Variants in TECTB observed in about 807,000 individuals in gnomAD.
TECTB encodes beta-tectorin.
A neutral mutation model predicts 43.3 loss-of-function variants in TECTB; 45 were observed. That is an observed-to-expected ratio of 1.04 (90% CI 0.82 to 1.33). The LOEUF (loss-of-function observed/expected upper bound fraction) is 1.33. Ranked by LOEUF, TECTB falls within the 40% of genes most tolerant of loss-of-function variation. The pLI is 0.00. For missense variants in TECTB, 399 were observed against 404.7 expected (o/e 0.99, Z 0.12); for synonymous variants, 169 against 156.7 (o/e 1.08, Z -0.59).
In TECTB at chr10:112,303,506, G is replaced by A; in HGVS notation, c.*194G>A. The A allele has an allele frequency of 3.0e-6, 2 of 661,226 alleles. No individual in the cohort carries two copies. Among genetic ancestry groups the A allele is most frequent in the Non-Finnish European group, 5.2e-6 (2 of 387,344 alleles). The allele number at this position is 661,226 out of a possible 1,614,324, so 41.0% of individuals were successfully genotyped here. A position where few individuals can be genotyped will look rare whatever the true frequency, so the allele number is the denominator to read the frequency against. On this transcript the variant is annotated 3_prime_UTR_variant, in exon 11 of 11. Transcript: ENST00000646139. ...CTTTTTCTTTCTAAGAAAAACTTAG[G>A]CTACTTCCCGTGGCCCTTAGATCTC...
rs754406724 is a variant in TECTB at position 112,294,078 on chromosome 10, G to C, written c.671+17G>C. 3.1e-6 allele frequency: 5 copies of C among 1,610,810 alleles called. No individual in the cohort carries two copies. The highest frequency in any genetic ancestry group is 4.2e-6 in the Non-Finnish European group (5 of 1,177,076). Reference sequence around the variant, plus strand: ...CAACAAGGGGTAGGTACACTATCTAGAGACAGGGCTGAACAGTGGAACCAG... The same window carrying C: ...CAACAAGGGGTAGGTACACTATCTACAGACAGGGCTGAACAGTGGAACCAG... On this transcript the variant is annotated intron_variant, in intron 7 of 10. Coordinates refer to ENST00000646139, the MANE Select transcript of TECTB (RefSeq NM_058222.3).
At chr10:112,299,965 C>T (rs1057004147) in intron 9 of TECTB, among the ~76,000 whole-genome samples, 3 of 151,584 alleles carry the variant, frequency 2.0e-5, no homozygotes, top group African/African-American at 7.3e-5. Flanking sequence ...GAGTTTGAGA[C>T]CAGCCTGACC....
rs1376658412 is a variant in TECTB, at chr10:112,303,176, G to C, written c.941-87G>C. On this transcript the variant is annotated intron_variant, in intron 10 of 10. Coordinates refer to ENST00000646139, the MANE Select transcript of TECTB (RefSeq NM_058222.3). ...TCTAAAATGTGTGGAATTTTATGAA[G>C]ACCCCTGAGTTAACTCTTCTGTTGA... 6 of 1,482,828 alleles carry C rather than the reference G, an allele frequency of 4.0e-6. No individual in the cohort carries two copies. In the East Asian group the frequency reaches 1.4e-4, roughly 34 times the overall value. The allele number at this position is 1,482,828 out of a possible 1,614,324, so 91.9% of individuals were successfully genotyped here.
At chr10:112,289,551 C>T (rs901825523) in intron 5 of TECTB, among the ~76,000 whole-genome samples, 3 of 152,206 alleles carry the variant, frequency 2.0e-5, no homozygotes, top group African/African-American at 4.8e-5. Context: ...ACACCCTGAA[C>T]TCTCGCACAT....
Position 112,289,775 on chromosome 10 carries a change from C to A in TECTB, c.483+3384C>A, listed in dbSNP as rs141337435. Reference sequence around the variant, plus strand: ...GTGTTATATTCTAGACTTTATCAGACCCGTGCAGGCCATCACGGGTCAGAG... The same window carrying A: ...GTGTTATATTCTAGACTTTATCAGAACCGTGCAGGCCATCACGGGTCAGAG... On this transcript the variant is annotated intron_variant, in intron 5 of 10. Coordinates refer to ENST00000646139, the MANE Select transcript of TECTB (RefSeq NM_058222.3). Among the ~76,000 whole-genome samples, 35 of 152,254 alleles carry A rather than the reference C, an allele frequency of 2.3e-4. No individual in the cohort carries two copies. In the East Asian group the frequency reaches 6.0e-3, roughly 26 times the overall value.
chr10:112,303,608 C>T lies in TECTB; in HGVS notation c.*296C>T. 2.4e-6 allele frequency: 1 copy of T among 408,682 alleles called. No individual in the cohort carries two copies. Among genetic ancestry groups the T allele is most frequent in the Non-Finnish European group, 4.4e-6 (1 of 225,452 alleles). 25.3% of individuals were successfully genotyped at this position (408,682 alleles called of 1,614,324 possible). A position where few individuals can be genotyped will look rare whatever the true frequency, so the allele number is the denominator to read the frequency against. ...GGGCTGCAGTAAATTCCTTTGAAAG[C>T]TATTTTAACTTTAAAAGGTTAGCAG... On this transcript the variant is annotated 3_prime_UTR_variant, in exon 11 of 11. Transcript: ENST00000646139.
intron 5 of TECTB, among the ~76,000 whole-genome samples, chr10:112,287,041 G>C (rs1848460935): frequency 6.6e-6 from 1 of 152,204 alleles, no homozygotes; most frequent in Non-Finnish European, 1.5e-5. Context: ...GCCAATGTCT[G>C]ACTCTTAGTC....
intron 5 of TECTB, 120 bp from the exon 6 acceptor site, chr10:112,293,618 C>T: frequency 3.7e-6 from 3 of 812,760 alleles, no homozygotes; most frequent in South Asian, 1.6e-5. Flanking sequence ...TCTATGGTCT[C>T]ACCTGCTTAT....
intron 7 of TECTB, among the ~76,000 whole-genome samples, chr10:112,295,550 G>A (rs1048873368): frequency 6.6e-6 from 1 of 152,258 alleles, no homozygotes; most frequent in Non-Finnish European, 1.5e-5. Flanking sequence ...GCACACCTGT[G>A]CAGCCCAGCA....
chr10:112,299,561 C>A lies in TECTB; in HGVS notation c.904C>A (p.Arg302=), dbSNP rs374612200. ...GGVLVVELSL[R]SRGFSSLYSF... The stretch of plus-strand genomic sequence containing the variant: ...AGTCCTGGTCGTGGAGCTCTCCCTG[C>A]GGAGTAAGCGTCTCTGTTTTCCTCT... The change falls in exon 9 of 11, where the codon CGG becomes AGG. Residue 302 remains arginine (R), a synonymous_variant. Transcript: ENST00000646139. 1 of 1,584,434 alleles carries A rather than the reference C, an allele frequency of 6.3e-7. No homozygotes were observed. Among genetic ancestry groups the A allele is most frequent in the South Asian group, 1.1e-5 (1 of 89,606 alleles).
chr10:112,301,900 A>T (rs1054566734), intron 9 of TECTB, among the ~76,000 whole-genome samples: 8 of 152,088 alleles, frequency 5.3e-5, no homozygotes, highest in African/African-American at 1.9e-4. Flanking sequence ...TGGTAGAGAC[A>T]GGGTTTCATC....
intron 7 of TECTB, among the ~76,000 whole-genome samples, chr10:112,295,984 G>A (rs185482563): frequency 1.2e-3 from 188 of 152,280 alleles, no homozygotes; most frequent in African/African-American, 4.2e-3. Flanking sequence ...GAAACCCACG[G>A]AATCTGCATT....
Position 112,303,502 on chromosome 10 carries a change from T to G in TECTB, c.*190T>G. 1.5e-6 allele frequency: 1 copy of G among 674,904 alleles called. No individual in the cohort carries two copies. Among genetic ancestry groups the G allele is most frequent in the Non-Finnish European group, 2.5e-6 (1 of 397,504 alleles). 41.8% of individuals were successfully genotyped at this position (674,904 alleles called of 1,614,324 possible). A position where few individuals can be genotyped will look rare whatever the true frequency, so the allele number is the denominator to read the frequency against. ...ATGCCTTTTTCTTTCTAAGAAAAAC[T>G]TAGGCTACTTCCCGTGGCCCTTAGA... On this transcript the variant is annotated 3_prime_UTR_variant, in exon 11 of 11. Transcript: ENST00000646139.
At chr10:112,284,770 C>A in intron 3 of TECTB, 45 bp downstream of exon 3, 1 of 1,406,970 alleles carries the variant, frequency 7.1e-7, no homozygotes, top group Non-Finnish European at 9.4e-7. Context: ...GGTAAGGCAA[C>A]TGGACCCAAG....
chr10:112,294,780 G>T (rs1848530925), intron 7 of TECTB, among the ~76,000 whole-genome samples: 1 of 152,152 alleles, frequency 6.6e-6, no homozygotes, highest in East Asian at 1.9e-4. Context: ...CCAAGTGAAT[G>T]GAACAAGGTA....
At chr10:112,299,730 G>A in intron 9 of TECTB, 166 bp downstream of exon 9, 2 of 661,852 alleles carry the variant, frequency 3.0e-6, no homozygotes, top group Non-Finnish European at 2.6e-6. Flanking sequence ...GTGGGGAACA[G>A]CTCAAGCCAA....
chr10:112,294,997 CTCGCTGAGT>C (rs1348868723), intron 7 of TECTB, among the ~76,000 whole-genome samples: 1 of 152,174 alleles, frequency 6.6e-6, no homozygotes, highest in Non-Finnish European at 1.5e-5. Context: ...AATATGGATT[CTCGCTGAGT>C]TCACTAACAG....
chr10:112,300,468 T>A (rs935725231), intron 9 of TECTB, among the ~76,000 whole-genome samples: 2 of 152,122 alleles, frequency 1.3e-5, no homozygotes, highest in African/African-American at 4.8e-5. Context: ...CAGAAATAAA[T>A]GTGACCCAAG....
rs1302946218 is a variant in TECTB, at chr10:112,300,301, AAGAAAGAAAGAAAGAAAG to A, written c.907+747_907+764del. On this transcript the variant is annotated intron_variant, in intron 9 of 10. Coordinates refer to ENST00000646139, the MANE Select transcript of TECTB (RefSeq NM_058222.3). ...AAGAAAAGAAAGAAAGAAAGAAAGA[AAGAAAGAAAGAAAGAAAG>A]AGAAAGAAAAAAGAAAAGAAAAGAA... 4.5e-4 allele frequency among the ~76,000 whole-genome samples: 54 copies of A among 120,336 alleles called. 1 individual carries two copies. The highest frequency in any genetic ancestry group is 1.9e-3 in the East Asian group (6 of 3,216). The allele number at this position is 120,336 out of a possible 152,430, so 78.9% of individuals were successfully genotyped here. A position where few individuals can be genotyped will look rare whatever the true frequency, so the allele number is the denominator to read the frequency against.
Sources: gnomAD v4.1 joint callset for allele counts (sites outside exome capture counted in the v4.1 genomes callset) on GRCh38, gnomAD v4.1.1 for gene constraint, MANE v1.5 for transcripts, NCBI Gene and HGNC (gene_info 2026-07-23, HGNC 2026-07-21) for gene names.